Variants in ZNF112 observed in about 807,000 individuals in gnomAD.
The protein encoded by ZNF112 is zinc finger protein 112.
Under a neutral mutation model 77.7 loss-of-function variants are expected in ZNF112, and 37 were observed. That is an observed-to-expected ratio of 0.48 (90% CI 0.37 to 0.63). The LOEUF is 0.63. ZNF112 is among the 20% of genes least tolerant of loss of function. ZNF112 has a pLI of 0.00. For missense variants in ZNF112, 950 were observed against 1,077.4 expected (o/e 0.88, Z 1.66); for synonymous variants, 333 against 363.6 (o/e 0.92, Z 0.96).
In ZNF112 at chr19:44,341,634, T is replaced by C. The variant is rs547237423; in HGVS notation, c.-3-1092A>G. ...TATTAAAAACATTCTCACAAACTTATTGGTAATAAAGTTCATTCTCTTTAC... is the reference window on the plus strand; with the variant it reads ...TATTAAAAACATTCTCACAAACTTACTGGTAATAAAGTTCATTCTCTTTAC... On this transcript the variant is annotated intron_variant, in intron 1 of 3. Coordinates refer to ENST00000354340, the MANE Select transcript of ZNF112 (RefSeq NM_013380.4). Among the ~76,000 whole-genome samples, 15 of 152,360 alleles carry C rather than the reference T, an allele frequency of 9.8e-5. No individual in the cohort carries two copies. In the East Asian group the frequency reaches 2.7e-3, roughly 27 times the overall value.
Position 44,337,381 on chromosome 19 carries a change from TATA to T in ZNF112, c.125-666_125-664del, listed in dbSNP as rs1241313292. 8.4e-3 allele frequency among the ~76,000 whole-genome samples: 462 copies of T among 54,714 alleles called. 38 individuals carry two copies. Among genetic ancestry groups the T allele is most frequent in the African/African-American group, 0.038 (394 of 10,270 alleles). The allele number at this position is 54,714 out of a possible 152,430, so 35.9% of individuals were successfully genotyped here. ...TATATATTATTATATATATTTTATA[TATA>T]ATAATATATATAATATATATTTTAT... is the stretch of plus-strand genomic sequence containing the variant. On this transcript the variant is annotated intron_variant, in intron 2 of 3. Transcript: ENST00000354340.
chr19:44,340,655 G>T, intron 1 of ZNF112, 113 bp from the exon 2 acceptor site: 1 of 1,443,152 alleles, frequency 6.9e-7, no homozygotes, highest in South Asian at 1.2e-5. Flanking sequence ...CATTTACATA[G>T]TTCTCTTCTG....
intron 1 of ZNF112, among the ~76,000 whole-genome samples, chr19:44,363,850 A>C (rs1970877731): frequency 6.6e-6 from 1 of 152,186 alleles, no homozygotes; most frequent in South Asian, 2.1e-4. Context: ...TTAATTTTAC[A>C]CTGTCTCCCA....
intron 1 of ZNF112, among the ~76,000 whole-genome samples, chr19:44,361,848 C>T (rs1302569739): frequency 2.0e-5 from 3 of 151,732 alleles, no homozygotes; most frequent in Non-Finnish European, 4.4e-5. Context: ...ATGCAAGATG[C>T]AAACAATAGG....
rs1970127106 is a variant in ZNF112 at position 44,326,667 on chromosome 19, T to C, written c.*766A>G. On this transcript the variant is annotated 3_prime_UTR_variant, in exon 4 of 4. Transcript: ENST00000354340. ...TCACAGGGCAGGAGTAGAAAATCAA[T>C]TATGTAAAATACAGTGTTCCATTTT... is the stretch of plus-strand genomic sequence containing the variant. The C allele has an allele frequency of 6.6e-6, 1 of 152,190 alleles. No individual in the cohort carries two copies. The highest frequency in any genetic ancestry group is 2.1e-4 in the South Asian group (1 of 4,834). 9.4% of individuals were successfully genotyped at this position (152,190 alleles called of 1,614,324 possible). A position where few individuals can be genotyped will look rare whatever the true frequency, so the allele number is the denominator to read the frequency against.
At chr19:44,341,080 T>C (rs1369512532) in intron 1 of ZNF112, 2 of 449,590 alleles carry the variant, frequency 4.4e-6, no homozygotes, top group Non-Finnish European at 4.4e-6. Flanking sequence ...ACAAGTTTCC[T>C]ATCTTCTCAT....
Position 44,329,862 on chromosome 19 carries a change from A to G in ZNF112, c.295T>C (p.Ser99Pro), listed in dbSNP as rs974029132. The change falls in exon 4 of 4, where the codon TCC (serine) becomes CCC (proline). Residue 99 changes from serine (S) to proline (P), a missense_variant. Ser to Pro is a moderately conservative substitution (Grantham distance 74, BLOSUM62 -1). Transcript: ENST00000354340. Reference protein sequence around the residue: ...VSYFSPKELSSRQTWQQSAGG... With the variant: ...VSYFSPKELSPRQTWQQSAGG... The stretch of plus-strand genomic sequence containing the variant: ...GCACTTTGTTGCCAGGTCTGACGGG[A>G]GGAAAGCTCTTTGGGGGAAAAGTAG... 3 of 1,613,868 alleles carry G rather than the reference A, an allele frequency of 1.9e-6. No homozygotes were observed. Among genetic ancestry groups the G allele is most frequent in the Non-Finnish European group, 2.5e-6 (3 of 1,179,984 alleles).
chr19:44,328,672 C>A lies in ZNF112; in HGVS notation c.1485G>T (p.Glu495Asp), dbSNP rs938944674. ...AGCTCCAGTTGAAGCCATTCCCATG[C>A]TCCTTACGTGGTTTCTCTCCAATGT... Reference protein sequence around the residue: ...KIHIGEKPRKEHGNGFNWSSK... With the variant: ...KIHIGEKPRKDHGNGFNWSSK... Residue 495 changes from glutamate to aspartate, a missense_variant, in exon 4 of 4, where the codon GAG becomes GAT. Coordinates refer to ENST00000354340, the MANE Select transcript of ZNF112 (RefSeq NM_013380.4). 2.5e-6 allele frequency: 4 copies of A among 1,614,002 alleles called. No individual in the cohort carries two copies. Among genetic ancestry groups the A allele is most frequent in the Non-Finnish European group, 3.4e-6 (4 of 1,180,010 alleles).
At chr19:44,337,343 T>G (rs1970390792) in intron 2 of ZNF112, among the ~76,000 whole-genome samples, 1 of 89,448 alleles carries the variant, frequency 1.1e-5, no homozygotes, top group African/African-American at 4.8e-5. Flanking sequence ...ATACATTTTG[T>G]ATATGTGTAA....
rs773959797 is a variant in ZNF112, at chr19:44,327,847, T to G, written c.2310A>C (p.Pro770=). Residue 770 remains proline, a synonymous_variant, in exon 4 of 4, where the codon CCA becomes CCC. Coordinates refer to ENST00000354340, the MANE Select transcript of ZNF112 (RefSeq NM_013380.4). ...AHRRVHTGGK[P]YKCEVCTKGF... ...CCTTTGTACACACCTCACATTTGTATGGTTTCCCTCCTGTGTGAACCCTCC... is the reference window on the plus strand; with the variant it reads ...CCTTTGTACACACCTCACATTTGTAGGGTTTCCCTCCTGTGTGAACCCTCC... 6.2e-7 allele frequency: 1 copy of G among 1,614,002 alleles called. No homozygotes were observed. Among genetic ancestry groups the G allele is most frequent in the Non-Finnish European group, 8.5e-7 (1 of 1,179,902 alleles).
rs780636376 is a variant in ZNF112, at chr19:44,336,737, C to T, written c.125-19G>A. 7 of 1,608,578 alleles carry T rather than the reference C, an allele frequency of 4.4e-6. No homozygotes were observed. The highest frequency in any genetic ancestry group is 6.0e-6 in the Non-Finnish European group (7 of 1,175,186). On this transcript the variant is annotated intron_variant, in intron 2 of 3. Coordinates refer to ENST00000354340, the MANE Select transcript of ZNF112 (RefSeq NM_013380.4). ...TGATGTGCTGTAAAGAAGGAAAGGA[C>T]AGCAAAAGTTTTTAAGTTTGATGAC...
chr19:44,346,085 C>T (rs959307049), intron 1 of ZNF112, among the ~76,000 whole-genome samples: 3 of 152,334 alleles, frequency 2.0e-5, no homozygotes, highest in Non-Finnish European at 4.4e-5. Context: ...GTATGTGCCC[C>T]GCTCTGTGAT....
chr19:44,363,362 T>C (rs1057235658), intron 1 of ZNF112, among the ~76,000 whole-genome samples: 3 of 152,224 alleles, frequency 2.0e-5, no homozygotes, highest in African/African-American at 7.2e-5. Flanking sequence ...GCAACATTTA[T>C]GTCTTAGCCA....
Position 44,328,248 on chromosome 19 carries a change from C to G in ZNF112, c.1909G>C (p.Gly637Arg). Residue 637 changes from glycine to arginine, a missense_variant, in exon 4 of 4, where the codon GGG (glycine) becomes CGG (arginine). Transcript: ENST00000354340. ...GEKPFKCEECGKGFSWSFNLQ... is the reference protein window; with the variant it reads ...GEKPFKCEECRKGFSWSFNLQ... ...TTAAAGCTCCAACTGAACCCCTTCCCACATTCCTCACATTTGAATGGTTTT... is the reference window on the plus strand; with the variant it reads ...TTAAAGCTCCAACTGAACCCCTTCCGACATTCCTCACATTTGAATGGTTTT... 6.2e-7 allele frequency: 1 copy of G among 1,614,126 alleles called. No individual in the cohort carries two copies.
intron 1 of ZNF112, among the ~76,000 whole-genome samples, chr19:44,345,840 C>T (rs1412083655): frequency 1.3e-5 from 2 of 152,168 alleles, no homozygotes; most frequent in Non-Finnish European, 2.9e-5. Context: ...ACCCCTCCTG[C>T]ACTCCTTTCT....
intron 2 of ZNF112, among the ~76,000 whole-genome samples, chr19:44,340,106 TA>T (rs1042733184): frequency 1.3e-4 from 15 of 118,718 alleles, no homozygotes; most frequent in Admixed American, 3.5e-4. Context: ...AATGTTTTTT[TA>T]AAAAAACCCC....
At chr19:44,356,387 G>A (rs1050496088) in intron 1 of ZNF112, among the ~76,000 whole-genome samples, 29 of 152,254 alleles carry the variant, frequency 1.9e-4, no homozygotes, top group Non-Finnish European at 4.1e-4. Flanking sequence ...GGCTGGGGAA[G>A]TACAGAACCC....
Position 44,327,549 on chromosome 19 carries a change from G to C in ZNF112, c.2608C>G (p.Leu870Val), listed in dbSNP as rs1286486052. ...CGKGFRWSSG[L>V]LIHQRVHSSD... Reference sequence around the variant, plus strand: ...CTATGGACTCTTTGATGAATGAGAAGACCTGAGCTCCAACGGAAACCCTTA... The same window carrying C: ...CTATGGACTCTTTGATGAATGAGAACACCTGAGCTCCAACGGAAACCCTTA... Residue 870 changes from leucine to valine, a missense_variant, in exon 4 of 4, where the codon CTT becomes GTT. Physicochemically the swap from Leu to Val is conservative, Grantham distance 32 (BLOSUM62 1). Coordinates refer to ENST00000354340, the MANE Select transcript of ZNF112 (RefSeq NM_013380.4). The C allele has an allele frequency of 1.2e-6, 2 of 1,613,976 alleles. No individual in the cohort carries two copies. The highest frequency in any genetic ancestry group is 2.2e-5 in the South Asian group (2 of 91,078).
chr19:44,354,444 T>C (rs1970749555), intron 1 of ZNF112, among the ~76,000 whole-genome samples: 1 of 152,188 alleles, frequency 6.6e-6, no homozygotes. Flanking sequence ...GTTGTTACCA[T>C]TTCTAACAAT....
Sources: allele counts gnomAD v4.1 joint callset (sites outside exome capture counted in the v4.1 genomes callset), GRCh38; gene constraint gnomAD v4.1.1; transcripts MANE v1.5; gene names NCBI Gene and HGNC (gene_info 2026-07-23, HGNC 2026-07-21).